Variants in KHDRBS2 observed in about 807,000 individuals in gnomAD.
The protein encoded by KHDRBS2 is KH RNA binding domain containing, signal transduction associated 2, also known as KH domain-containing, RNA-binding, signal transduction-associated protein 2.
KHDRBS2 carries 26 observed loss-of-function variants against 44.3 expected under a neutral mutation model. The ratio of observed to expected loss-of-function variants is 0.59; its 90% CI spans 0.43 to 0.81. KHDRBS2 has a LOEUF of 0.81. KHDRBS2 is among the 40% of genes least tolerant of loss of function. The pLI is 0.00. For missense variants in KHDRBS2, 476 were observed against 433.1 expected, an observed-to-expected ratio of 1.10 and a Z score of -0.88; for synonymous variants, 194 against 151.1, an observed-to-expected ratio of 1.28 and a Z score of -2.08.
At chr6:62,078,224 A>T (rs1460809700) in intron 2 of KHDRBS2, among the ~76,000 whole-genome samples, 1 of 152,042 alleles carries the variant, frequency 6.6e-6, no homozygotes, top group Admixed American at 6.6e-5. Flanking sequence ...GAAATTCAGA[A>T]ATGTCTGGCT....
At chr6:61,542,743 C>T in the KHDRBS2 span, among the ~76,000 whole-genome samples, 2 of 151,660 alleles carry the variant, frequency 1.3e-5, no homozygotes, top group South Asian at 4.2e-4. Flanking sequence ...CAAGGAAAAC[C>T]CTGATACCAA....
intron 6 of KHDRBS2, among the ~76,000 whole-genome samples, chr6:61,758,989 C>T (rs1267415383): frequency 6.6e-6 from 1 of 151,952 alleles, no homozygotes; most frequent in Non-Finnish European, 1.5e-5. Context: ...TATAATGTGC[C>T]ATGATACCAT....
At chr6:61,566,709 A>G in the KHDRBS2 span, among the ~76,000 whole-genome samples, 3 of 110,572 alleles carry the variant, frequency 2.7e-5, no homozygotes, top group East Asian at 2.5e-4. Context: ...ATAACTTTAA[A>G]AAACGTTCGC....
intron 2 of KHDRBS2, among the ~76,000 whole-genome samples, chr6:62,111,522 AT>A (rs137959707): frequency 0.011 from 1,648 of 152,104 alleles, 14 homozygotes; most frequent in Middle Eastern, 0.02. Context: ...CTCATACCCA[AT>A]TTTTCTTTGG....
At chr6:62,064,020 C>T (rs1285783738) in intron 2 of KHDRBS2, among the ~76,000 whole-genome samples, 2 of 147,282 alleles carry the variant, frequency 1.4e-5, no homozygotes, top group East Asian at 2.0e-4. Context: ...TGAGTGAACT[C>T]CCATTCACAA....
At chr6:62,080,917 T>A (rs1797267870) in intron 2 of KHDRBS2, among the ~76,000 whole-genome samples, 1 of 152,154 alleles carries the variant, frequency 6.6e-6, no homozygotes, top group Non-Finnish European at 1.5e-5. Flanking sequence ...GGCAGCCTTC[T>A]TCTATAGCTT....
chr6:61,912,199 G>A (rs1395751835), intron 4 of KHDRBS2, among the ~76,000 whole-genome samples: 1 of 152,174 alleles, frequency 6.6e-6, no homozygotes, highest in African/African-American at 2.4e-5. Context: ...CTTGTAAAAT[G>A]TAATACAGTA....
the KHDRBS2 span, among the ~76,000 whole-genome samples, chr6:61,605,246 A>G: frequency 6.6e-6 from 1 of 152,070 alleles, no homozygotes; most frequent in Non-Finnish European, 1.5e-5. Flanking sequence ...AAAACTTGCC[A>G]TCCCTACTAT....
chr6:61,892,278 C>T (rs1173709833), intron 6 of KHDRBS2, among the ~76,000 whole-genome samples: 1 of 152,154 alleles, frequency 6.6e-6, no homozygotes, highest in Non-Finnish European at 1.5e-5. Context: ...AAGAACATTC[C>T]ATGCTCATGG....
chr6:61,770,958 G>A lies in KHDRBS2; in HGVS notation c.811-38194C>T, dbSNP rs1426278033. 2.6e-5 allele frequency among the ~76,000 whole-genome samples: 4 copies of A among 152,322 alleles called. No individual in the cohort carries two copies. The East Asian group carries it at 7.7e-4, about 29-fold the overall frequency. On this transcript the variant is annotated intron_variant, in intron 6 of 8. Transcript: ENST00000281156. Reference sequence around the variant, plus strand: ...AGAGAAAGGTCAGGTTACCCACAAAGGGAAGCCCATCAGACTAACAGCGGA... The same window carrying A: ...AGAGAAAGGTCAGGTTACCCACAAAAGGAAGCCCATCAGACTAACAGCGGA...
intron 2 of KHDRBS2, among the ~76,000 whole-genome samples, chr6:62,128,888 T>C (rs1486598764): frequency 6.6e-6 from 1 of 152,096 alleles, no homozygotes; most frequent in Non-Finnish European, 1.5e-5. Flanking sequence ...TCTGCTTATA[T>C]ACTTAACATG....
the KHDRBS2 span, among the ~76,000 whole-genome samples, chr6:61,629,618 T>C: frequency 3.3e-5 from 5 of 152,158 alleles, no homozygotes; most frequent in Non-Finnish European, 5.9e-5. Flanking sequence ...TTCACTAAGC[T>C]TTTTGGGCAA....
At chr6:61,747,955 G>A (rs538377282) in intron 6 of KHDRBS2, among the ~76,000 whole-genome samples, 32 of 152,226 alleles carry the variant, frequency 2.1e-4, no homozygotes, top group Admixed American at 3.3e-4. Flanking sequence ...ATTTGAATAG[G>A]GAGGGGCCTC....
intron 5 of KHDRBS2, among the ~76,000 whole-genome samples, chr6:61,900,859 T>G (rs1030335470): frequency 2.0e-5 from 3 of 152,216 alleles, no homozygotes; most frequent in Non-Finnish European, 4.4e-5. Flanking sequence ...AGTTGTATCA[T>G]GCGTGTGTTC....
At chr6:61,663,374 C>T in the KHDRBS2 span, among the ~76,000 whole-genome samples, 1 of 146,670 alleles carries the variant, frequency 6.8e-6, no homozygotes, top group East Asian at 2.0e-4. Flanking sequence ...ACATTGTGCA[C>T]ATGTACCCTA....
At chr6:61,697,831 C>T (rs1338382866) in intron 7 of KHDRBS2, among the ~76,000 whole-genome samples, 1 of 152,160 alleles carries the variant, frequency 6.6e-6, no homozygotes. Flanking sequence ...CTCTCTCTGA[C>T]TCACTCTGCT....
At chr6:61,971,562 T>A (rs1562556664) in intron 4 of KHDRBS2, among the ~76,000 whole-genome samples, 2 of 152,148 alleles carry the variant, frequency 1.3e-5, no homozygotes, top group Non-Finnish European at 2.9e-5. Flanking sequence ...TTTTAAAATG[T>A]TCACTGTGAA....
At chr6:61,708,470 C>G (rs1391577921) in intron 7 of KHDRBS2, among the ~76,000 whole-genome samples, 2 of 151,406 alleles carry the variant, frequency 1.3e-5, no homozygotes, top group Non-Finnish European at 3.0e-5. Flanking sequence ...AAGCAAAGAT[C>G]ATGGGTTTTA....
intron 6 of KHDRBS2, among the ~76,000 whole-genome samples, chr6:61,785,923 G>T (rs985364851): frequency 6.6e-6 from 1 of 151,814 alleles, no homozygotes; most frequent in Non-Finnish European, 1.5e-5. Context: ...ACTTATTCAG[G>T]CAAATATAGT....
Sources: allele counts gnomAD v4.1 joint callset (sites outside exome capture counted in the v4.1 genomes callset), GRCh38; gene constraint gnomAD v4.1.1; transcripts MANE v1.5; gene names NCBI Gene and HGNC (gene_info 2026-07-23, HGNC 2026-07-21).